Variants in MYO18B observed in about 807,000 individuals in gnomAD.
MYO18B encodes the protein unconventional myosin-XVIIIb.
A neutral mutation model predicts 273.0 loss-of-function variants in MYO18B; 204 were observed. That is an observed-to-expected ratio of 0.75 (90% confidence interval 0.67 to 0.84). The LOEUF is 0.84. Among genes scored for constraint, MYO18B ranks in the 40% least tolerant of loss-of-function variants. MYO18B has a pLI of 0.00. For synonymous variants in MYO18B, 1,330 were observed against 1,305.7 expected, an observed-to-expected ratio of 1.02 and a Z score of -0.40; for missense variants, 3,212 against 3,287.6, an observed-to-expected ratio of 0.98 and a Z score of 0.56.
Position 25,823,602 on chromosome 22 carries a change from C to T in MYO18B, c.2619C>T (p.His873=), listed in dbSNP as rs771823491. ...AGCTGAACACGGCCACCTTCAAGCA[C>T]CACCTTCGACAGATCATCCAGCAAA... is the stretch of plus-strand genomic sequence containing the variant. The part of the protein sequence containing the change: ...YEELNTATFK[H]HLRQIIQQMT... Residue 873 remains histidine, a synonymous_variant, in exon 13 of 44, where the codon CAC becomes CAT. Coordinates refer to ENST00000335473, the MANE Select transcript of MYO18B (RefSeq NM_032608.7). 6.2e-7 allele frequency: 1 copy of T among 1,613,982 alleles called. No homozygotes were observed. Among genetic ancestry groups the T allele is most frequent in the Non-Finnish European group, 8.5e-7 (1 of 1,179,890 alleles).
intron 29 of MYO18B, chr22:25,900,190 G>A (rs1251919295): frequency 1.3e-5 from 2 of 152,194 alleles, no homozygotes; most frequent in African/African-American, 4.8e-5. Context: ...TAGCTTTCTT[G>A]TGATGCCCTC....
chr22:25,852,398 T>TGAAC (rs1297822667), intron 21 of MYO18B, among the ~76,000 whole-genome samples: 2 of 151,344 alleles, frequency 1.3e-5, no homozygotes, highest in Non-Finnish European at 2.9e-5. Context: ...GTTGAGTTAA[T>TGAAC]GAATGAATGA....
intron 12 of MYO18B, among the ~76,000 whole-genome samples, chr22:25,810,735 CG>C (rs765474364): frequency 9.2e-5 from 14 of 151,734 alleles, no homozygotes; most frequent in Non-Finnish European, 1.6e-4. Context: ...CGTGCTTGGC[CG>C]ACTTTAATTC....
At position 25,761,079 on chromosome 22, in the gene MYO18B, GGCACT is replaced by G. The variant is rs2086296886; in HGVS notation, c.-11_-7del. 1 of 1,613,222 alleles carries G rather than the reference GGCACT, an allele frequency of 6.2e-7. No individual in the cohort carries two copies. ...TCTCATCTCATCATCTCACGGCCCT[GGCACT>G]GCCTCAGCATGGCCATCTCATCACG... On this transcript the variant is annotated 5_prime_UTR_variant, in exon 2 of 44. Transcript: ENST00000335473.
chr22:25,772,891 G>A (rs1167303178), intron 7 of MYO18B, among the ~76,000 whole-genome samples: 1 of 152,168 alleles, frequency 6.6e-6, no homozygotes, highest in Non-Finnish European at 1.5e-5. Flanking sequence ...GAGAAGAGCC[G>A]GCTGGGCCAG....
intron 11 of MYO18B, among the ~76,000 whole-genome samples, chr22:25,787,497 G>A (rs776556286): frequency 3.9e-5 from 6 of 152,226 alleles, no homozygotes; most frequent in South Asian, 4.1e-4. Flanking sequence ...TGTCTGCCCC[G>A]TCTTTGAACT....
At chr22:25,804,052 C>T (rs1317788632) in intron 12 of MYO18B, among the ~76,000 whole-genome samples, 1 of 150,802 alleles carries the variant, frequency 6.6e-6, no homozygotes, top group Non-Finnish European at 1.5e-5. Flanking sequence ...CTTCTGTATT[C>T]GTGAGTTTGA....
intron 39 of MYO18B, among the ~76,000 whole-genome samples, chr22:25,958,785 C>T (rs2092883732): frequency 6.6e-6 from 1 of 152,160 alleles, no homozygotes; most frequent in African/African-American, 2.4e-5. Flanking sequence ...GACAGATCAT[C>T]CCATCTGTTC....
In MYO18B at chr22:26,027,880, C is replaced by T. The variant is rs5761362; in HGVS notation, c.*12+190C>T. The T allele has an allele frequency of 3.4e-6, 2 of 585,236 alleles. No individual in the cohort carries two copies. Among genetic ancestry groups the T allele is most frequent in the Admixed American group, 3.2e-5 (1 of 31,580 alleles). The allele number at this position is 585,236 out of a possible 1,614,324, so 36.3% of individuals were successfully genotyped here. ...TTCAGAACCCCTCTGCTGGGTACCT[C>T]TACTTCCTTGTACTTTGAAATGCAG... On this transcript the variant is annotated intron_variant, in intron 43 of 43. Coordinates refer to ENST00000335473, the MANE Select transcript of MYO18B (RefSeq NM_032608.7). This position sits in a 1 kb window ranked among gnomAD's most constrained non-coding sequence, Gnocchi z 4.1.
intron 42 of MYO18B, among the ~76,000 whole-genome samples, chr22:26,010,351 C>A (rs930869756): frequency 1.2e-4 from 18 of 152,094 alleles, no homozygotes; most frequent in Admixed American, 1.2e-3. Flanking sequence ...CAGCAGGGGT[C>A]CCAGAGTGCA....
At chr22:25,786,093 C>G (rs546758469) in intron 11 of MYO18B, among the ~76,000 whole-genome samples, 8 of 152,146 alleles carry the variant, frequency 5.3e-5, no homozygotes, top group African/African-American at 1.9e-4. Flanking sequence ...ATTATTTTAA[C>G]CATTGTTTTC....
intron 11 of MYO18B, among the ~76,000 whole-genome samples, chr22:25,793,800 C>A (rs1040003766): frequency 1.3e-5 from 2 of 152,228 alleles, no homozygotes; most frequent in South Asian, 4.1e-4. Context: ...TTACCTCAGA[C>A]AAACCCTGGG....
the MYO18B span, among the ~76,000 whole-genome samples, chr22:26,049,206 C>A: frequency 6.6e-6 from 1 of 152,198 alleles, no homozygotes; most frequent in African/African-American, 2.4e-5. Flanking sequence ...AACCAGCCCC[C>A]AGCACCTGTT....
rs145570778 is a variant in MYO18B, at chr22:25,933,633, T to C, written c.5517+12224T>C. On this transcript the variant is annotated intron_variant, in intron 34 of 43. Coordinates refer to ENST00000335473, the MANE Select transcript of MYO18B (RefSeq NM_032608.7). Reference sequence around the variant, plus strand: ...GCAAAAAGTAATGGCATTAAATTAATGGCAAAAACTGCAGTTACTTTTGCA... The same window carrying C: ...GCAAAAAGTAATGGCATTAAATTAACGGCAAAAACTGCAGTTACTTTTGCA... Among the ~76,000 whole-genome samples, 480 of 152,358 alleles carry C rather than the reference T, an allele frequency of 3.2e-3. 7 individuals carry two copies. Among genetic ancestry groups the C allele is most frequent in the African/African-American group, 0.011 (449 of 41,584 alleles).
At chr22:25,822,616 T>A (rs540944512) in intron 12 of MYO18B, among the ~76,000 whole-genome samples, 16 of 152,256 alleles carry the variant, frequency 1.1e-4, no homozygotes, top group Admixed American at 5.9e-4. Flanking sequence ...GTTGGATGTG[T>A]GATTGTGTAG....
the MYO18B span, among the ~76,000 whole-genome samples, chr22:26,057,995 C>A: frequency 6.6e-6 from 1 of 152,068 alleles, no homozygotes; most frequent in African/African-American, 2.4e-5. Flanking sequence ...CTGGATGTGG[C>A]TCCATGCAGG....
At chr22:25,919,678 ATG>A (rs35856330) in intron 33 of MYO18B, among the ~76,000 whole-genome samples, 51,332 of 147,658 alleles carry the variant, frequency 0.35, 8,837 homozygotes, top group South Asian at 0.4. Context: ...GTGTGTGTGT[ATG>A]TGTGTGTGTG....
intron 22 of MYO18B, among the ~76,000 whole-genome samples, chr22:25,871,704 G>A (rs1006375082): frequency 6.6e-6 from 1 of 152,150 alleles, no homozygotes; most frequent in Non-Finnish European, 1.5e-5. Context: ...CAAGGCTTGT[G>A]CTGAGGGCCA....
At chr22:25,931,246 C>T (rs1469456744) in intron 34 of MYO18B, among the ~76,000 whole-genome samples, 1 of 152,144 alleles carries the variant, frequency 6.6e-6, no homozygotes, top group Non-Finnish European at 1.5e-5. Context: ...TATCACAGGC[C>T]TGTTCACCCC....
Sources: gnomAD v4.1 joint callset for allele counts (sites outside exome capture counted in the v4.1 genomes callset) on GRCh38, gnomAD v4.1.1 for gene constraint, Gnocchi (gnomAD v3.1) non-coding constraint, MANE v1.5 for transcripts, NCBI Gene and HGNC (gene_info 2026-07-23, HGNC 2026-07-21) for gene names.